Variants in SERINC3 observed in about 807,000 individuals in gnomAD.
SERINC3 encodes the protein serine incorporator 3.
SERINC3 carries 22 observed loss-of-function variants against 52.1 expected under a neutral mutation model. The observed-to-expected ratio is 0.42, with a 90% CI of 0.30 to 0.60. The LOEUF (loss-of-function observed/expected upper bound fraction) is 0.60, where lower values mean the gene tolerates loss of function less well. Among genes scored for constraint, SERINC3 ranks in the 20% least tolerant of loss-of-function variants. The pLI is 0.16. For synonymous variants in SERINC3, 226 were observed against 212.7 expected, an observed-to-expected ratio of 1.06 and a Z score of -0.54; for missense variants, 564 against 584.6, an observed-to-expected ratio of 0.96 and a Z score of 0.36.
In SERINC3 at chr20:44,509,993, A is replaced by G; in HGVS notation, c.511T>C (p.Phe171Leu). ...AGCAGCACCAGCTGAATGAGGATGAAGAGGGCGGCCCCTATCATGCCAACA... is the reference window on the plus strand; with the variant it reads ...AGCAGCACCAGCTGAATGAGGATGAGGAGGGCGGCCCCTATCATGCCAACA... ...FVVGMIGAALFILIQLVLLVD... is the reference protein window; with the variant it reads ...FVVGMIGAALLILIQLVLLVD... Residue 171 changes from phenylalanine to leucine, a missense_variant, in exon 5 of 10, where the codon TTC becomes CTC. Phe to Leu is a conservative substitution (Grantham distance 22). Coordinates refer to ENST00000342374, the MANE Select transcript of SERINC3 (RefSeq NM_006811.4). 1 of 1,614,146 alleles carries G rather than the reference A, an allele frequency of 6.2e-7. No individual in the cohort carries two copies. Among genetic ancestry groups the G allele is most frequent in the Non-Finnish European group, 8.5e-7 (1 of 1,179,970 alleles).
chr20:44,509,878 T>C lies in SERINC3; in HGVS notation c.613+13A>G, dbSNP rs144996443. On this transcript the variant is annotated intron_variant, in intron 5 of 9. Transcript: ENST00000342374. ...TAGCAGTATGGCTAACATAGGTGAG[T>C]AGAGATACCTACCAGCATACCACAA... The C allele has an allele frequency of 1.7e-4, 267 of 1,613,608 alleles. No homozygotes were observed. The African/African-American group carries it at 2.2e-3, about 13-fold the overall frequency.
Position 44,503,892 on chromosome 20 carries a change from T to A in SERINC3, c.978A>T (p.Pro326=). Residue 326 remains proline (P), a synonymous_variant, in exon 8 of 10, where the codon CCA becomes CCT. Coordinates refer to ENST00000342374, the MANE Select transcript of SERINC3 (RefSeq NM_006811.4). ...AATCCAGTAAAGACCCACTCTTTGA[T>A]GGTGGAGTAGGGGTAGGGACCACAG... ...STAVVPTPTP[P]SKSGSLLDSD... 2 of 1,603,958 alleles carry A rather than the reference T, an allele frequency of 1.2e-6. No homozygotes were observed. Among genetic ancestry groups the A allele is most frequent in the Non-Finnish European group, 1.7e-6 (2 of 1,176,572 alleles).
At position 44,512,994 on chromosome 20, in the gene SERINC3, T is replaced by C. The variant is rs1450955281; in HGVS notation, c.202A>G (p.Ile68Val). ...AATCCCCCTTCACAAAATCCAGGAATCTGGAAAAAAGCAATTTCAATGTTA... is the reference window on the plus strand; with the variant it reads ...AATCCCCCTTCACAAAATCCAGGAACCTGGAAAAAAGCAATTTCAATGTTA... ...RKEMETYLKK[I>V]PGFCEGGFKI... The change falls in exon 3 of 10, where the codon ATT (isoleucine) becomes GTT (valine). Residue 68 changes from isoleucine to valine, a missense_variant and splice_region_variant. Ile to Val is a conservative substitution (Grantham distance 29). Coordinates refer to ENST00000342374, the MANE Select transcript of SERINC3 (RefSeq NM_006811.4). 6 of 1,492,014 alleles carry C rather than the reference T, an allele frequency of 4.0e-6. No homozygotes were observed. The highest frequency in any genetic ancestry group is 4.4e-6 in the Non-Finnish European group (5 of 1,127,794). 92.4% of individuals were successfully genotyped at this position (1,492,014 alleles called of 1,614,324 possible).
At chr20:44,517,969 G>T (rs763495551) in intron 1 of SERINC3, among the ~76,000 whole-genome samples, 1 of 152,054 alleles carries the variant, frequency 6.6e-6, no homozygotes, top group Non-Finnish European at 1.5e-5. Flanking sequence ...CCAAAACCTG[G>T]AGTCATCCCG....
In SERINC3 at chr20:44,504,477, A is replaced by C. The variant is rs2064299084; in HGVS notation, c.874+324T>G. ...ACAGCTGTTTCTTCTACAGCCTGTG[A>C]CATCAAACTAAAATTCAGTCACAAC... On this transcript the variant is annotated intron_variant, in intron 7 of 9. Coordinates refer to ENST00000342374, the MANE Select transcript of SERINC3 (RefSeq NM_006811.4). 2.0e-5 allele frequency among the ~76,000 whole-genome samples: 3 copies of C among 152,228 alleles called. No homozygotes were observed. The South Asian group carries it at 6.2e-4, about 31-fold the overall frequency.
chr20:44,521,885 C>G lies in SERINC3; in HGVS notation c.39+28G>C. The G allele has an allele frequency of 1.9e-6, 3 of 1,599,162 alleles. No homozygotes were observed. The South Asian group carries it at 3.4e-5, about 18-fold the overall frequency. On this transcript the variant is annotated intron_variant, in intron 1 of 9. Transcript: ENST00000342374. ...GGCCTTTCCCCGCAAACCGCAGGTC[C>G]GGCGAGGACTCGGGACCCCGAACTC... is the stretch of plus-strand genomic sequence containing the variant.
chr20:44,517,212 T>G (rs1252643321), intron 1 of SERINC3, among the ~76,000 whole-genome samples: 1 of 152,186 alleles, frequency 6.6e-6, no homozygotes, highest in African/African-American at 2.4e-5. Flanking sequence ...GCCTGACATA[T>G]TTATCAGGCT....
rs2064322133 is a variant in SERINC3 at position 44,507,495 on chromosome 20, T to C, written c.614-499A>G. Among the ~76,000 whole-genome samples the C allele has an allele frequency of 2.0e-5, 3 of 152,206 alleles. No individual in the cohort carries two copies. The South Asian group carries it at 6.2e-4, about 31-fold the overall frequency. On this transcript the variant is annotated intron_variant, in intron 5 of 9. Coordinates refer to ENST00000342374, the MANE Select transcript of SERINC3 (RefSeq NM_006811.4). ...TTTCCCATCACAAACAATAAGACTG[T>C]CCCTGAACTGGAAAAGTGGCTCATT...
chr20:44,512,934 C>A lies in SERINC3; in HGVS notation c.262G>T (p.Asp88Tyr). 1.3e-6 allele frequency: 2 copies of A among 1,548,814 alleles called. No individual in the cohort carries two copies. The highest frequency in any genetic ancestry group is 1.7e-6 in the Non-Finnish European group (2 of 1,156,960). Residue 88 changes from aspartate (D) to tyrosine (Y), a missense_variant, in exon 3 of 10, where the codon GAT (aspartate) becomes TAT (tyrosine). Asp to Tyr is a radical substitution (Grantham distance 160). Transcript: ENST00000342374. ...TTATAACCAACCAGCACATCACAAT[C>A]TTTATCTGCATTTATATCAGCCTCA... ...IHEADINADKDCDVLVGYKAV... is the reference protein window; with the variant it reads ...IHEADINADKYCDVLVGYKAV...
chr20:44,519,486 G>C (rs1255870892), intron 1 of SERINC3: 1 of 488,246 alleles, frequency 2.0e-6, no homozygotes, highest in Non-Finnish European at 2.7e-6. Context: ...CTCTATATGG[G>C]TGCATCAGAT....
chr20:44,505,476 A>G (rs1304070883), intron 6 of SERINC3, among the ~76,000 whole-genome samples: 1 of 150,464 alleles, frequency 6.6e-6, no homozygotes, highest in Non-Finnish European at 1.5e-5. Flanking sequence ...GCCCGCCACC[A>G]CACCCGGCTA....
At chr20:44,517,938 C>T (rs2064390750) in intron 1 of SERINC3, among the ~76,000 whole-genome samples, 1 of 152,084 alleles carries the variant, frequency 6.6e-6, no homozygotes, top group African/African-American at 2.4e-5. Context: ...ATGACAACTC[C>T]ATTCTTCCTG....
chr20:44,517,765 TA>T (rs2064389495), intron 1 of SERINC3, among the ~76,000 whole-genome samples: 1 of 152,188 alleles, frequency 6.6e-6, no homozygotes, highest in Non-Finnish European at 1.5e-5. Context: ...GGCAAACTAA[TA>T]AACTTACTTA....
At position 44,513,956 on chromosome 20, in the gene SERINC3, A is replaced by T. The variant is rs769104829; in HGVS notation, c.124T>A (p.Tyr42Asn). The T allele has an allele frequency of 6.2e-7, 1 of 1,614,198 alleles. No individual in the cohort carries two copies. The highest frequency in any genetic ancestry group is 8.5e-7 in the Non-Finnish European group (1 of 1,180,018). Reference sequence around the variant, plus strand: ...GTGCTCAGGAGGAGAATGAAAGCATAAATGAGGCGAGTCACCGTGGAATTC... The same window carrying T: ...GTGCTCAGGAGGAGAATGAAAGCATTAATGAGGCGAGTCACCGTGGAATTC... ...SKNSTVTRLI[Y>N]AFILLLSTVV... Residue 42 changes from tyrosine (Y) to asparagine (N), a missense_variant, in exon 2 of 10, where the codon TAT becomes AAT. Physicochemically the swap from Tyr to Asn is moderately radical, Grantham distance 143. Coordinates refer to ENST00000342374, the MANE Select transcript of SERINC3 (RefSeq NM_006811.4).
At chr20:44,515,231 G>A (rs1956126476) in intron 1 of SERINC3, among the ~76,000 whole-genome samples, 1 of 152,122 alleles carries the variant, frequency 6.6e-6, no homozygotes, top group Non-Finnish European at 1.5e-5. Flanking sequence ...GCTCATGCCT[G>A]TGGCCCCAAC....
At chr20:44,501,346 A>G in intron 8 of SERINC3, 46 bp from the exon 9 acceptor site, 1 of 1,493,894 alleles carries the variant, frequency 6.7e-7, no homozygotes, top group Non-Finnish European at 9.3e-7. Flanking sequence ...GGGCCATGAC[A>G]ATGAACTGCT....
chr20:44,496,905 T>C (rs933367420), downstream of SERINC3, among the ~76,000 whole-genome samples: 2 of 152,236 alleles, frequency 1.3e-5, no homozygotes, highest in African/African-American at 2.4e-5. Flanking sequence ...GGTCCATGGC[T>C]ACTCTTTGGC....
chr20:44,518,220 G>A (rs1245519229), intron 1 of SERINC3, among the ~76,000 whole-genome samples: 2 of 151,422 alleles, frequency 1.3e-5, no homozygotes, highest in East Asian at 3.9e-4. Context: ...CAGCACTTTG[G>A]GAAGCCAAGG....
chr20:44,508,318 CA>C (rs2123048491), intron 5 of SERINC3, among the ~76,000 whole-genome samples: 1 of 151,982 alleles, frequency 6.6e-6, no homozygotes, highest in African/African-American at 2.4e-5. Context: ...ACAAAAAACA[CA>C]AAAATTAGCC....
Sources: gnomAD v4.1 joint callset for allele counts (sites outside exome capture counted in the v4.1 genomes callset) on GRCh38, gnomAD v4.1.1 for gene constraint, MANE v1.5 for transcripts, NCBI Gene and HGNC (gene_info 2026-07-23, HGNC 2026-07-21) for gene names.